The following NAV1 variants were observed in gnomAD, a reference collection of about 807,000 sequenced individuals.
NAV1 encodes pore membrane and/or filament interacting like protein 3.
A neutral mutation model predicts 175.2 loss-of-function variants in NAV1; 18 were observed. The observed-to-expected ratio is 0.10, with a 90% CI of 0.07 to 0.15. The LOEUF is 0.15. Among genes scored for constraint, NAV1 ranks in the 10% least tolerant of loss-of-function variants. NAV1 has a pLI of 1.00. For synonymous variants in NAV1, 897 were observed against 978.7 expected, an observed-to-expected ratio of 0.92 and a Z score of 1.56; for missense variants, 1,731 against 2,436.6, an observed-to-expected ratio of 0.71 and a Z score of 6.10.
At chr1:201,563,334 A>T (rs1314223660) in intron 1 of NAV1, among the ~76,000 whole-genome samples, 3 of 152,154 alleles carry the variant, frequency 2.0e-5, no homozygotes, top group Admixed American at 1.3e-4. Flanking sequence ...CACAGGTGCC[A>T]CTGACCCAAC....
chr1:201,736,934 A>C (rs538035662), intron 3 of NAV1, among the ~76,000 whole-genome samples: 1 of 149,608 alleles, frequency 6.7e-6, no homozygotes, highest in East Asian at 2.0e-4. Context: ...CACTCCCTGC[A>C]CCCCAGGCTA....
chr1:201,638,303 T>A (rs1044935108), intron 2 of NAV1, among the ~76,000 whole-genome samples: 3 of 152,230 alleles, frequency 2.0e-5, no homozygotes, highest in African/African-American at 7.2e-5. Context: ...GGCTGAGCTA[T>A]GAAGCGACTG....
At chr1:201,739,707 A>C in intron 3 of NAV1, 1 of 1,010,486 alleles carries the variant, frequency 9.9e-7, no homozygotes. Flanking sequence ...GGCCACCGGA[A>C]CGGAGGAGGC....
rs142672947 is a variant in NAV1, at chr1:201,597,991, C to T, written c.-33+9342C>T. ...GCAGGATGCCTGGGCGTCAAGATGT[C>T]GTCAATGCCTCCAATATATACTGAG... On this transcript the variant is annotated intron_variant, in intron 2 of 33. Coordinates refer to the NAV1 transcript ENST00000685211. Among the ~76,000 whole-genome samples the T allele has an allele frequency of 4.6e-5, 7 of 152,294 alleles. No homozygotes were observed. In the South Asian group the frequency reaches 6.2e-4, roughly 14 times the overall value.
chr1:201,762,331 ATTTC>A (rs1374492496), intron 3 of NAV1, among the ~76,000 whole-genome samples: 3 of 152,046 alleles, frequency 2.0e-5, no homozygotes, highest in African/African-American at 7.2e-5. Context: ...CGGAATTGTT[ATTTC>A]TTTTCATTTT....
At chr1:201,691,936 G>A (rs1271857510) in intron 1 of NAV1, among the ~76,000 whole-genome samples, 1 of 152,198 alleles carries the variant, frequency 6.6e-6, no homozygotes, top group Non-Finnish European at 1.5e-5. Context: ...CAGAACTGGG[G>A]GCTGCTGTTC....
chr1:201,639,147 G>A (rs563791582), intron 2 of NAV1, among the ~76,000 whole-genome samples: 1 of 152,332 alleles, frequency 6.6e-6, no homozygotes, highest in East Asian at 1.9e-4. Flanking sequence ...AGGTGCAGGG[G>A]TGGGGTCAGG....
chr1:201,743,318 G>A (rs1272169273), intron 3 of NAV1, among the ~76,000 whole-genome samples: 1 of 152,210 alleles, frequency 6.6e-6, no homozygotes, highest in Non-Finnish European at 1.5e-5. Flanking sequence ...GAGTTGGCCT[G>A]CGACTTTAGT....
intron 1 of NAV1, among the ~76,000 whole-genome samples, chr1:201,586,610 C>T (rs763282315): frequency 3.3e-5 from 5 of 151,936 alleles, no homozygotes; most frequent in Non-Finnish European, 2.9e-5. Context: ...CCTCACACAG[C>T]CTTTTCTCAG....
chr1:201,621,785 C>A, upstream of NAV1, among the ~76,000 whole-genome samples: 1 of 152,212 alleles, frequency 6.6e-6, no homozygotes, highest in Non-Finnish European at 1.5e-5. Flanking sequence ...GCCTCTCCCA[C>A]AACAAAATTA....
At chr1:201,648,986 T>C in exon 1 of NAV1, 1 of 1,613,232 alleles carries the variant, frequency 6.2e-7, no homozygotes, top group Non-Finnish European at 8.5e-7. Flanking sequence ...AGCTGCAGCT[T>C]TATGAGCCCG....
At chr1:201,714,110 C>T (rs865962377) in intron 2 of NAV1, among the ~76,000 whole-genome samples, 3 of 152,146 alleles carry the variant, frequency 2.0e-5, no homozygotes, top group Admixed American at 6.5e-5. Flanking sequence ...GGGGTTTCAC[C>T]ATGTTGGCCA....
At chr1:201,802,305 CAA>C (rs34854602) in intron 15 of NAV1, among the ~76,000 whole-genome samples, 140 of 40,052 alleles carry the variant, frequency 3.5e-3, no homozygotes, top group African/African-American at 0.012. Context: ...AACACCTTCT[CAA>C]AAAAAAAAAA....
intron 3 of NAV1, among the ~76,000 whole-genome samples, chr1:201,741,196 G>A (rs1571919188): frequency 6.6e-6 from 1 of 152,304 alleles, no homozygotes; most frequent in East Asian, 1.9e-4. Context: ...GGCAAGGCCT[G>A]AAACGAGAGG....
Position 201,718,767 on chromosome 1 carries a change from G to T in NAV1, c.1226+12G>T. ...GACATCACTACCGGGTAAGCGCAGGGGCTTCTTGGATGGCGGGGGAGGATG... is the reference window on the plus strand; with the variant it reads ...GACATCACTACCGGGTAAGCGCAGGTGCTTCTTGGATGGCGGGGGAGGATG... On this transcript the variant is annotated intron_variant, in intron 3 of 29. Transcript: ENST00000367296. The surrounding 1 kb of genome is among the most constrained non-coding windows in gnomAD (Gnocchi z 4.8). 1 of 1,588,250 alleles carries T rather than the reference G, an allele frequency of 6.3e-7. No individual in the cohort carries two copies. Among genetic ancestry groups the T allele is most frequent in the Non-Finnish European group, 8.6e-7 (1 of 1,161,094 alleles).
At chr1:201,709,145 C>CAAAAA in intron 1 of NAV1, among the ~76,000 whole-genome samples, 2 of 144,060 alleles carry the variant, frequency 1.4e-5, no homozygotes, top group African/African-American at 2.6e-5. Flanking sequence ...ACCCTGTCTC[C>CAAAAA]AAAAAAAAAA....
At chr1:201,732,492 A>G (rs1352321005) in intron 3 of NAV1, among the ~76,000 whole-genome samples, 2 of 151,966 alleles carry the variant, frequency 1.3e-5, no homozygotes, top group Non-Finnish European at 2.9e-5. Context: ...ACACTCTCTT[A>G]TATCTCCACA....
intron 2 of NAV1, among the ~76,000 whole-genome samples, chr1:201,606,308 T>C (rs1006680437): frequency 6.6e-6 from 1 of 152,180 alleles, no homozygotes; most frequent in Non-Finnish European, 1.5e-5. Flanking sequence ...GGCTACCTGG[T>C]CTGTCTTTAT....
At chr1:201,744,647 G>T (rs1332151958) in intron 3 of NAV1, among the ~76,000 whole-genome samples, 1 of 152,144 alleles carries the variant, frequency 6.6e-6, no homozygotes, top group Non-Finnish European at 1.5e-5. Context: ...CAGCAAGCAG[G>T]GGCCATACTT....
Sources: gnomAD v4.1 joint callset for allele counts (sites outside exome capture counted in the v4.1 genomes callset) on GRCh38, gnomAD v4.1.1 for gene constraint, Gnocchi (gnomAD v3.1) non-coding constraint, MANE v1.5 for transcripts, NCBI Gene and HGNC (gene_info 2026-07-23, HGNC 2026-07-21) for gene names.